Variants in NDUFAF6 observed in about 807,000 individuals in gnomAD.
NDUFAF6 encodes the protein NADH dehydrogenase (ubiquinone) complex I, assembly factor 6.
NDUFAF6 carries 45 observed loss-of-function variants against 40.8 expected under a neutral mutation model. The ratio of observed to expected loss-of-function variants is 1.10; its 90% CI spans 0.87 to 1.42. The LOEUF is 1.42. Ranked by LOEUF, NDUFAF6 falls within the 40% of genes most tolerant of loss-of-function variation. The probability of loss-of-function intolerance (pLI) is 0.00; values close to 1 mark genes in which losing one functional copy is unlikely to be tolerated. For missense variants in NDUFAF6, 435 were observed against 418.5 expected (o/e 1.04, Z -0.34); for synonymous variants, 185 against 155.9 (o/e 1.19, Z -1.39).
chr8:94,914,714 C>T (rs1335111083), intron 1 of NDUFAF6, among the ~76,000 whole-genome samples: 2 of 151,948 alleles, frequency 1.3e-5, no homozygotes, highest in Admixed American at 6.6e-5. Context: ...CACGGGAGTT[C>T]GAGACCAGCC....
At chr8:94,939,225 T>G (rs1821283664) in intron 1 of NDUFAF6, among the ~76,000 whole-genome samples, 1 of 152,230 alleles carries the variant, frequency 6.6e-6, no homozygotes, top group Non-Finnish European at 1.5e-5. Flanking sequence ...CATGATATTC[T>G]AGTTGAATTT....
chr8:94,921,334 C>T (rs1204463985), intron 1 of NDUFAF6, among the ~76,000 whole-genome samples: 2 of 152,206 alleles, frequency 1.3e-5, no homozygotes, highest in Non-Finnish European at 2.9e-5. Flanking sequence ...CCCAGAAAGC[C>T]TCAGTGTATC....
downstream of NDUFAF6, among the ~76,000 whole-genome samples, chr8:95,105,088 G>C (rs956374651): frequency 1.8e-3 from 274 of 149,224 alleles, no homozygotes; most frequent in African/African-American, 6.5e-3. Flanking sequence ...GAGAGAGAGA[G>C]AGAGAGAGAG....
intron 1 of NDUFAF6, among the ~76,000 whole-genome samples, chr8:94,978,036 A>G (rs1825113654): frequency 2.0e-5 from 3 of 152,078 alleles, no homozygotes; most frequent in Admixed American, 2.0e-4. Context: ...AAGAGCTCCT[A>G]AATCCTTTGG....
chr8:94,927,885 A>ATTG (rs1043110477), intron 1 of NDUFAF6: 1 of 146,860 alleles, frequency 6.8e-6, no homozygotes, highest in Non-Finnish European at 1.5e-5. Flanking sequence ...TCTAAAGCGC[A>ATTG]TTGTAAACCA....
upstream of NDUFAF6, among the ~76,000 whole-genome samples, chr8:94,956,489 G>A (rs1823084752): frequency 6.6e-6 from 1 of 152,150 alleles, no homozygotes; most frequent in Non-Finnish European, 1.5e-5. Context: ...AAAGAGACTG[G>A]AGAAGGAGAC....
chr8:95,092,392 G>A (rs1483997226), intron 2 of NDUFAF6, among the ~76,000 whole-genome samples: 1 of 151,748 alleles, frequency 6.6e-6, no homozygotes. Context: ...ATGTTGGACA[G>A]GCTGGCCTTG....
At chr8:94,900,281 C>T (rs931719330) in intron 1 of NDUFAF6, among the ~76,000 whole-genome samples, 2 of 147,644 alleles carry the variant, frequency 1.4e-5, no homozygotes, top group African/African-American at 5.0e-5. Context: ...GTGGGGGGCC[C>T]TTGGAACCTA....
intron 1 of NDUFAF6, among the ~76,000 whole-genome samples, chr8:94,935,447 T>C (rs1346657830): frequency 2.0e-5 from 3 of 152,216 alleles, no homozygotes; most frequent in East Asian, 1.9e-4. Context: ...ACAAAGGTCA[T>C]ATGATGTCTG....
At chr8:95,024,050 C>A (rs529825621), upstream of NDUFAF6, among the ~76,000 whole-genome samples, 1 of 152,148 alleles carries the variant, frequency 6.6e-6, no homozygotes, top group East Asian at 1.9e-4. Flanking sequence ...TGTCTTCCTG[C>A]CTTGATAAAT....
At position 95,092,274 on chromosome 8, in the gene NDUFAF6, C is replaced by G. The variant is rs143008527; in HGVS notation, n.214-8858C>G. Among the ~76,000 whole-genome samples, 405 of 151,750 alleles carry G rather than the reference C, an allele frequency of 2.7e-3. 2 individuals are homozygous for G. Among genetic ancestry groups the G allele is most frequent in the African/African-American group, 9.4e-3 (387 of 41,322 alleles). ...TTGGCTCACTGCAATCTCCGCATCC[C>G]AGGTTCAAGTGATTCTCCCACCTCA... On this transcript the variant is annotated intron_variant and non_coding_transcript_variant, in intron 2 of 5. Coordinates refer to the NDUFAF6 transcript ENST00000523184.
intron 1 of NDUFAF6, among the ~76,000 whole-genome samples, chr8:94,973,518 C>A (rs558801863): frequency 6.6e-6 from 1 of 152,234 alleles, no homozygotes; most frequent in African/African-American, 2.4e-5. Flanking sequence ...ACCATCCTAG[C>A]TAACACAGTG....
intron 2 of NDUFAF6, among the ~76,000 whole-genome samples, chr8:94,947,955 A>T (rs930406355): frequency 6.6e-6 from 1 of 152,258 alleles, no homozygotes; most frequent in Non-Finnish European, 1.5e-5. Context: ...ATGTATTTCA[A>T]TTACCAGGCT....
intron 2 of NDUFAF6, among the ~76,000 whole-genome samples, chr8:95,007,784 G>A (rs1262675570): frequency 6.6e-6 from 1 of 150,636 alleles, no homozygotes; most frequent in Non-Finnish European, 1.5e-5. Context: ...GGCTGGAGTA[G>A]TTTTCTCTAG....
intron 1 of NDUFAF6, chr8:94,926,620 A>G (rs150194304): frequency 2.0e-5 from 3 of 152,256 alleles, no homozygotes; most frequent in Non-Finnish European, 4.4e-5. Context: ...CAATTACACA[A>G]TTTTTAAAAG....
At chr8:95,080,663 T>TAGTGATTTTTG (rs1563858468), downstream of NDUFAF6, among the ~76,000 whole-genome samples, 242 of 42,886 alleles carry the variant, frequency 5.6e-3, no homozygotes, top group East Asian at 0.01. Context: ...AGTGTATTTT[T>TAGTGATTTTTG]GTAGTGTATT....
chr8:94,916,874 G>C (rs1409686369), intron 1 of NDUFAF6, among the ~76,000 whole-genome samples: 2 of 150,498 alleles, frequency 1.3e-5, no homozygotes, highest in African/African-American at 4.9e-5. Flanking sequence ...CAGCACTTTG[G>C]GAGGCCTAGG....
At chr8:94,899,743 A>G (rs1410826116) in intron 1 of NDUFAF6, among the ~76,000 whole-genome samples, 1 of 152,096 alleles carries the variant, frequency 6.6e-6, no homozygotes, top group East Asian at 1.9e-4. Context: ...CTTCAGTGCA[A>G]TACTCTTCTA....
chr8:95,046,130 G>A (rs1056255752), intron 5 of NDUFAF6, among the ~76,000 whole-genome samples: 6 of 151,490 alleles, frequency 4.0e-5, no homozygotes, highest in Non-Finnish European at 8.8e-5. Context: ...GCTCAATCTC[G>A]GCTCACTGCA....
Sources: allele counts gnomAD v4.1 joint callset (sites outside exome capture counted in the v4.1 genomes callset), GRCh38; gene constraint gnomAD v4.1.1; transcripts MANE v1.5; gene names NCBI Gene and HGNC (gene_info 2026-07-23, HGNC 2026-07-21).